HDAC9: variants seen among roughly 807,000 people sequenced by gnomAD.
The protein encoded by HDAC9 is MEF-2 interacting transcription repressor (MITR) protein.
A neutral mutation model predicts 139.4 loss-of-function variants in HDAC9; 41 were observed. That is an observed-to-expected ratio of 0.29 (90% CI 0.23 to 0.38). The LOEUF is 0.38. Ranked by LOEUF, HDAC9 falls within the 10% of genes least tolerant of loss-of-function variation. The pLI, the probability that HDAC9 is intolerant of heterozygous loss-of-function variation, is 1.00. For missense variants in HDAC9, 1,147 were observed against 1,297.0 expected, an observed-to-expected ratio of 0.88 and a Z score of 1.78; for synonymous variants, 517 against 476.2, an observed-to-expected ratio of 1.09 and a Z score of -1.12.
intron 13 of HDAC9, among the ~76,000 whole-genome samples, chr7:18,736,862 A>C (rs1245818634): frequency 1.3e-5 from 2 of 152,148 alleles, no homozygotes; most frequent in East Asian, 3.9e-4. Context: ...TCCATCTGGT[A>C]TTGGACTTTT....
chr7:18,275,107 G>T (rs1271439756), intron 2 of HDAC9, among the ~76,000 whole-genome samples: 1 of 152,202 alleles, frequency 6.6e-6, no homozygotes, highest in African/African-American at 2.4e-5. Flanking sequence ...CAGCAAAATT[G>T]CTCTACACAC....
At position 18,821,499 on chromosome 7, in the gene HDAC9, G is replaced by T. The variant is rs141872881; in HGVS notation, c.2323-7662G>T. ...GGAACCAAAAGGCCAGTGTGGCTGC[G>T]GTGGAGAAAGCAAGATGAATGGTGA... On this transcript the variant is annotated intron_variant, in intron 17 of 25. Transcript: ENST00000686413. Among the ~76,000 whole-genome samples the T allele has an allele frequency of 3.9e-5, 6 of 152,282 alleles. No homozygotes were observed. The East Asian group carries it at 7.7e-4, about 20-fold the overall frequency.
At chr7:18,424,213 T>A (rs1265884604) in intron 1 of HDAC9, among the ~76,000 whole-genome samples, 1 of 152,168 alleles carries the variant, frequency 6.6e-6, no homozygotes, top group African/African-American at 2.4e-5. Context: ...ATCAACTGAG[T>A]TATTTTTGAA....
At chr7:18,656,677 C>G (rs1791303760) in intron 11 of HDAC9, among the ~76,000 whole-genome samples, 2 of 152,164 alleles carry the variant, frequency 1.3e-5, no homozygotes, top group African/African-American at 4.8e-5. Context: ...TGATAAGCAC[C>G]ACTAAAATCT....
intron 17 of HDAC9, among the ~76,000 whole-genome samples, 182 bp from the exon 18 acceptor site, chr7:18,828,979 C>T (rs3901683): frequency 0.013 from 2,003 of 152,320 alleles, 43 homozygotes; most frequent in African/African-American, 0.046. Context: ...AATGTGATCA[C>T]ATGTGTTGTT....
At chr7:18,259,385 C>T (rs943216424) in intron 2 of HDAC9, among the ~76,000 whole-genome samples, 1 of 152,024 alleles carries the variant, frequency 6.6e-6, no homozygotes, top group Non-Finnish European at 1.5e-5. Flanking sequence ...TTTTTTGAAA[C>T]AGGATCTTGC....
At chr7:18,435,663 G>A (rs1429902772) in intron 1 of HDAC9, among the ~76,000 whole-genome samples, 1 of 150,910 alleles carries the variant, frequency 6.6e-6, no homozygotes, top group Non-Finnish European at 1.5e-5. Context: ...ATGTCTTGGG[G>A]GTTTGGTGTA....
At chr7:18,875,992 CTA>C (rs1165332213) in intron 22 of HDAC9, among the ~76,000 whole-genome samples, 1 of 152,130 alleles carries the variant, frequency 6.6e-6, no homozygotes, top group Non-Finnish European at 1.5e-5. Flanking sequence ...AGAGGAGTGT[CTA>C]TGTTTAGTCT....
At chr7:18,583,719 A>G (rs999331734) in intron 2 of HDAC9, among the ~76,000 whole-genome samples, 15 of 152,198 alleles carry the variant, frequency 9.9e-5, no homozygotes, top group African/African-American at 3.6e-4. Flanking sequence ...GCACCACTGC[A>G]CTACAGCCTG....
chr7:18,827,557 C>T (rs1307789323), intron 17 of HDAC9, among the ~76,000 whole-genome samples: 1 of 152,132 alleles, frequency 6.6e-6, no homozygotes, highest in East Asian at 1.9e-4. Context: ...TGGCTTCTCT[C>T]TGGGTTCTAA....
intron 2 of HDAC9, among the ~76,000 whole-genome samples, chr7:18,165,674 C>T: frequency 6.6e-6 from 1 of 151,898 alleles, no homozygotes; most frequent in Non-Finnish European, 1.5e-5. Flanking sequence ...CCTGTAGTCC[C>T]TGCTACTTAG....
intron 6 of HDAC9, among the ~76,000 whole-genome samples, chr7:18,621,190 A>G (rs940368486): frequency 9.2e-5 from 14 of 151,890 alleles, no homozygotes; most frequent in Non-Finnish European, 1.8e-4. Context: ...GGAATACGTA[A>G]TTACCTGGGA....
Position 18,998,450 on chromosome 7 carries a change from A to T in HDAC9, c.*2388A>T, listed in dbSNP as rs1456862989. On this transcript the variant is annotated 3_prime_UTR_variant, in exon 26 of 26. Coordinates refer to ENST00000686413, the MANE Select transcript of HDAC9 (RefSeq NM_178425.4). Reference sequence around the variant, plus strand: ...ACACCATACCCAATTGGTTGCACTTAGAGTCTTTAAAATACCTGGAGAAGC... The same window carrying T: ...ACACCATACCCAATTGGTTGCACTTTGAGTCTTTAAAATACCTGGAGAAGC... 6.6e-6 allele frequency: 1 copy of T among 152,138 alleles called. No individual in the cohort carries two copies. The highest frequency in any genetic ancestry group is 1.9e-4 in the East Asian group (1 of 5,198). The allele number at this position is 152,138 out of a possible 1,614,324, so 9.4% of individuals were successfully genotyped here. A position where few individuals can be genotyped will look rare whatever the true frequency, so the allele number is the denominator to read the frequency against.
At chr7:18,202,279 T>A (rs1791188547) in intron 2 of HDAC9, among the ~76,000 whole-genome samples, 1 of 152,220 alleles carries the variant, frequency 6.6e-6, no homozygotes, top group African/African-American at 2.4e-5. Context: ...TTGTTCCAGA[T>A]ATTTTTCCAA....
intron 7 of HDAC9, among the ~76,000 whole-genome samples, chr7:18,633,610 A>G (rs1782974752): frequency 6.6e-6 from 1 of 152,084 alleles, no homozygotes; most frequent in East Asian, 1.9e-4. Context: ...GCTGGTGGAA[A>G]TCATATCAAA....
chr7:18,259,036 C>G lies in HDAC9; in HGVS notation c.25+96687C>G, dbSNP rs1234380740. ...CCAGGCTGGAGTGCAGTGGCATGAT[C>G]TTGGCTCCCTGCAACCTCCGCCTCC... is the stretch of plus-strand genomic sequence containing the variant. On this transcript the variant is annotated intron_variant, in intron 2 of 12. Transcript: ENST00000417496. Among the ~76,000 whole-genome samples the G allele has an allele frequency of 3.7e-5, 5 of 136,884 alleles. No homozygotes were observed. In the East Asian group the frequency reaches 1.2e-3, roughly 32 times the overall value. The allele number at this position is 136,884 out of a possible 152,430, so 89.8% of individuals were successfully genotyped here.
intron 1 of HDAC9, among the ~76,000 whole-genome samples, chr7:18,320,919 ATTTAT>A (rs2128635206): frequency 6.6e-6 from 1 of 152,306 alleles, no homozygotes; most frequent in African/African-American, 2.4e-5. Context: ...TTTCCAGCAC[ATTTAT>A]CTAAGTCATG....
chr7:18,644,594 A>C, intron 8 of HDAC9, 77 bp from the exon 9 acceptor site: 1 of 1,298,574 alleles, frequency 7.7e-7, no homozygotes, highest in Non-Finnish European at 1.1e-6. Context: ...GGTAAGACCC[A>C]TTTTCTGAAA....
intron 2 of HDAC9, among the ~76,000 whole-genome samples, chr7:18,181,785 A>C (rs1789453383): frequency 6.6e-6 from 1 of 152,182 alleles, no homozygotes; most frequent in African/African-American, 2.4e-5. Flanking sequence ...GCAGATTCTT[A>C]CATGCTGAGG....
Sources: gnomAD v4.1 joint callset for allele counts (sites outside exome capture counted in the v4.1 genomes callset) on GRCh38, gnomAD v4.1.1 for gene constraint, MANE v1.5 for transcripts, NCBI Gene and HGNC (gene_info 2026-07-23, HGNC 2026-07-21) for gene names.